The following DPY19L4 variants were observed in gnomAD, a reference collection of about 807,000 sequenced individuals.
DPY19L4 encodes dpy-19 like 4.
Under a neutral mutation model 102.8 loss-of-function variants are expected in DPY19L4, and 97 were observed. That is an observed-to-expected ratio of 0.94 (90% CI 0.80 to 1.12). The LOEUF is 1.12. Among genes scored for constraint, DPY19L4 ranks in the 50% most tolerant of loss-of-function variants. The pLI is 0.00. For synonymous variants in DPY19L4, 252 were observed against 283.1 expected (o/e 0.89, Z 1.10); for missense variants, 815 against 850.4 (o/e 0.96, Z 0.52).
intron 1 of DPY19L4, 169 bp downstream of exon 1, chr8:94,720,183 C>T: frequency 1.0e-6 from 1 of 985,354 alleles, no homozygotes; most frequent in Non-Finnish European, 1.2e-6. Flanking sequence ...CGGAGAAATT[C>T]AGGAGAGCGG....
chr8:94,723,258 G>A (rs1279853085), intron 1 of DPY19L4, among the ~76,000 whole-genome samples: 2 of 152,204 alleles, frequency 1.3e-5, no homozygotes, highest in Non-Finnish European at 2.9e-5. Context: ...AAATCACGAG[G>A]TCAGGAGTTT....
chr8:94,764,848 C>T (rs533750602), intron 8 of DPY19L4, among the ~76,000 whole-genome samples: 2 of 147,792 alleles, frequency 1.4e-5, no homozygotes, highest in Non-Finnish European at 3.0e-5. Flanking sequence ...CATGCCTCAG[C>T]CTCCCGAGTG....
intron 13 of DPY19L4, among the ~76,000 whole-genome samples, chr8:94,772,626 G>A (rs1218106458): frequency 6.6e-6 from 1 of 152,182 alleles, no homozygotes; most frequent in South Asian, 2.1e-4. Context: ...TGTGTTTAGG[G>A]TTTGTATTGG....
At chr8:94,733,932 CTTA>C (rs1435893978) in intron 2 of DPY19L4, among the ~76,000 whole-genome samples, 2 of 152,044 alleles carry the variant, frequency 1.3e-5, no homozygotes, top group African/African-American at 4.8e-5. Flanking sequence ...TGGAGTTTCC[CTTA>C]TTATTAACAT....
chr8:94,756,263 T>C, intron 7 of DPY19L4, 104 bp downstream of exon 7: 3 of 1,451,938 alleles, frequency 2.1e-6, no homozygotes, highest in Non-Finnish European at 2.8e-6. Flanking sequence ...TTAAATCATA[T>C]TTAATGAAGC....
At chr8:94,787,570 C>T (rs1586432848) in intron 17 of DPY19L4, among the ~76,000 whole-genome samples, 1 of 152,036 alleles carries the variant, frequency 6.6e-6, no homozygotes, top group Non-Finnish European at 1.5e-5. Context: ...GGTTTTACTA[C>T]TTTTTGAAGG....
At chr8:94,759,769 C>A (rs1812324563) in intron 7 of DPY19L4, among the ~76,000 whole-genome samples, 1 of 152,114 alleles carries the variant, frequency 6.6e-6, no homozygotes, top group African/African-American at 2.4e-5. Context: ...TCCCAAAGTA[C>A]TGGGATTACA....
intron 6 of DPY19L4, among the ~76,000 whole-genome samples, chr8:94,746,511 G>A (rs1482702334): frequency 6.6e-6 from 1 of 152,220 alleles, no homozygotes; most frequent in East Asian, 1.9e-4. Flanking sequence ...ACATTGTACA[G>A]GTGGTTTTCA....
intron 7 of DPY19L4, among the ~76,000 whole-genome samples, chr8:94,761,424 G>C (rs1255783323): frequency 6.6e-6 from 1 of 152,026 alleles, no homozygotes; most frequent in African/African-American, 2.4e-5. Context: ...AAATTATATT[G>C]AATTTTCTTT....
chr8:94,748,310 T>C (rs766967967), intron 6 of DPY19L4, among the ~76,000 whole-genome samples: 21 of 152,178 alleles, frequency 1.4e-4, no homozygotes, highest in Non-Finnish European at 2.6e-4. Flanking sequence ...TGCACTAATA[T>C]GTGAGTTGGG....
intron 11 of DPY19L4, among the ~76,000 whole-genome samples, 186 bp downstream of exon 11, chr8:94,766,871 C>T (rs1430780936): frequency 1.3e-5 from 2 of 151,530 alleles, no homozygotes; most frequent in African/African-American, 4.9e-5. Flanking sequence ...TGGCAAAACC[C>T]CATCTCTAAA....
chr8:94,773,245 A>C (rs992104527), intron 13 of DPY19L4, among the ~76,000 whole-genome samples: 1 of 151,434 alleles, frequency 6.6e-6, no homozygotes, highest in Admixed American at 6.6e-5. Context: ...AATATATGAA[A>C]TCCTTTGCAT....
At position 94,777,662 on chromosome 8, in the gene DPY19L4, C is replaced by G. The variant is rs778248204; in HGVS notation, c.1455-4C>G. The G allele has an allele frequency of 6.2e-7, 1 of 1,610,078 alleles. No individual in the cohort carries two copies. Among genetic ancestry groups the G allele is most frequent in the Admixed American group, 1.7e-5 (1 of 59,378 alleles). On this transcript the variant is annotated splice_region_variant and splice_polypyrimidine_tract_variant and intron_variant, in intron 13 of 18. Transcript: ENST00000414645. ...TCATGTATGACTCCATTTGTGTTTTCTAGCTTGAAGTACATCTGGATTCCT... is the reference window on the plus strand; with the variant it reads ...TCATGTATGACTCCATTTGTGTTTTGTAGCTTGAAGTACATCTGGATTCCT...
chr8:94,755,582 C>G (rs1392924061), intron 6 of DPY19L4, among the ~76,000 whole-genome samples: 1 of 152,116 alleles, frequency 6.6e-6, no homozygotes. Flanking sequence ...TTAATTTGCT[C>G]AAAGATGCTG....
At chr8:94,726,567 T>G in intron 2 of DPY19L4, 126 bp downstream of exon 2, 1 of 707,634 alleles carries the variant, frequency 1.4e-6, no homozygotes, top group Non-Finnish European at 2.2e-6. Context: ...TCACTAGGTT[T>G]TGGACAACCC....
chr8:94,720,392 A>G (rs966148734), intron 1 of DPY19L4, among the ~76,000 whole-genome samples: 1 of 152,232 alleles, frequency 6.6e-6, no homozygotes, highest in Non-Finnish European at 1.5e-5. Flanking sequence ...TTGGAATGCG[A>G]TTTTTAAAGG....
At chr8:94,755,972 G>A in intron 6 of DPY19L4, 64 bp from the exon 7 acceptor site, 1 of 1,488,556 alleles carries the variant, frequency 6.7e-7, no homozygotes, top group East Asian at 2.3e-5. Flanking sequence ...AAAGTACTTT[G>A]AAAAGTATAG....
At chr8:94,775,375 T>C (rs1813131788) in intron 13 of DPY19L4, among the ~76,000 whole-genome samples, 1 of 152,178 alleles carries the variant, frequency 6.6e-6, no homozygotes, top group Admixed American at 6.5e-5. Flanking sequence ...TTTCACCTTG[T>C]TGGCCAGGCT....
At position 94,789,763 on chromosome 8, in the gene DPY19L4, T is replaced by G; in HGVS notation, c.2025T>G (p.Gly675=). The change falls in exon 19 of 19, where the codon GGT becomes GGG. Residue 675 remains glycine, a synonymous_variant. Coordinates refer to ENST00000414645, the MANE Select transcript of DPY19L4 (RefSeq NM_181787.3). The part of the protein sequence containing the change: ...IANGHMVCEE[G]DKLTYSKYGR... ...TTTAATAGATGGTTTGTGAAGAAGG[T>G]GACAAGCTAACCTACTCAAAATATG... 1 of 1,602,370 alleles carries G rather than the reference T, an allele frequency of 6.2e-7. No individual in the cohort carries two copies. The highest frequency in any genetic ancestry group is 8.5e-7 in the Non-Finnish European group (1 of 1,176,006).
Sources: gnomAD v4.1 joint callset for allele counts (sites outside exome capture counted in the v4.1 genomes callset) on GRCh38, gnomAD v4.1.1 for gene constraint, MANE v1.5 for transcripts, NCBI Gene and HGNC (gene_info 2026-07-23, HGNC 2026-07-21) for gene names.